The following SNX29 variants were observed in gnomAD, a reference collection of about 807,000 sequenced individuals.
SNX29 encodes the protein sorting nexin 29.
SNX29 carries 78 observed loss-of-function variants against 102.1 expected under a neutral mutation model. The ratio of observed to expected loss-of-function variants is 0.76; its 90% confidence interval spans 0.64 to 0.92. The LOEUF is 0.92. Among genes scored for constraint, SNX29 ranks in the 40% least tolerant of loss-of-function variants. The pLI is 0.00. For synonymous variants in SNX29, 580 were observed against 414.5 expected (o/e 1.40, Z -4.85); for missense variants, 1,280 against 1,061.7 (o/e 1.21, Z -2.86).
At chr16:12,328,394 C>G (rs1014171735) in intron 15 of SNX29, among the ~76,000 whole-genome samples, 2 of 152,160 alleles carry the variant, frequency 1.3e-5, no homozygotes, top group African/African-American at 2.4e-5. Context: ...TTCTACAAGC[C>G]AAACAGAAAG....
chr16:11,983,633 C>G (rs1316121978), intron 1 of SNX29: 2 of 985,166 alleles, frequency 2.0e-6, no homozygotes, highest in Non-Finnish European at 2.4e-6. Flanking sequence ...ACAGTTGACC[C>G]CCACCTCTGC....
In SNX29 at chr16:12,078,788, C is replaced by T. The variant is rs1032421094; in HGVS notation, c.1320-45C>T. 7.8e-6 allele frequency: 12 copies of T among 1,530,302 alleles called. No individual in the cohort carries two copies. The Admixed American group carries it at 1.5e-4, about 20-fold the overall frequency. The allele number at this position is 1,530,302 out of a possible 1,614,324, so 94.8% of individuals were successfully genotyped here. On this transcript the variant is annotated intron_variant, in intron 10 of 20. Coordinates refer to ENST00000566228, the MANE Select transcript of SNX29 (RefSeq NM_032167.5). ...GTTTTTGGAATGGTGAGGGTGTGTA[C>T]TTTCAGTGGCCGAGTGTAACTTCCT...
rs753855778 is a variant in SNX29 at position 12,003,001 on chromosome 16, G to T, written c.80G>T (p.Arg27Leu). 4 of 1,614,188 alleles carry T rather than the reference G, an allele frequency of 2.5e-6. No individual in the cohort carries two copies. The highest frequency in any genetic ancestry group is 3.4e-6 in the Non-Finnish European group (4 of 1,180,030). Residue 27 changes from arginine (R) to leucine (L), a missense_variant, in exon 3 of 21, where the codon CGC (arginine) becomes CTC (leucine). Transcript: ENST00000566228. ...LLDAVKQCQI[R>L]FGGRKEIASD... is the part of the protein sequence containing the mutation. ...TCTTTTTCTGTGCAGTGCCAGATCCGCTTTGGAGGGAGAAAGGAGATTGCC... is the reference window on the plus strand; with the variant it reads ...TCTTTTTCTGTGCAGTGCCAGATCCTCTTTGGAGGGAGAAAGGAGATTGCC...
intron 18 of SNX29, among the ~76,000 whole-genome samples, chr16:12,419,565 C>A (rs892860475): frequency 1.1e-4 from 16 of 150,952 alleles, no homozygotes; most frequent in South Asian, 2.1e-4. Context: ...AGACTCAGCC[C>A]CCCCCCCCAT....
rs1292188105 is a variant in SNX29 at position 12,027,330 on chromosome 16, C to T, written c.133C>T (p.Leu45=). Residue 45 remains leucine, a synonymous_variant, in exon 4 of 21, where the codon CTG becomes TTG. Coordinates refer to ENST00000566228, the MANE Select transcript of SNX29 (RefSeq NM_032167.5). The part of the protein sequence containing the change: ...ASDSDSRVTC[L]CAQFEAVLQH... ...TTGGTTTTCTCACAGGGTCACCTGT[C>T]TGTGTGCCCAGTTTGAAGCCGTCCT... is the stretch of plus-strand genomic sequence containing the variant. 6.2e-7 allele frequency: 1 copy of T among 1,613,842 alleles called. No individual in the cohort carries two copies. The highest frequency in any genetic ancestry group is 8.5e-7 in the Non-Finnish European group (1 of 1,179,858).
At position 12,257,829 on chromosome 16, in the gene SNX29, C is replaced by G. The variant is rs1228437604; in HGVS notation, c.1679-20104C>G. 2.0e-5 allele frequency among the ~76,000 whole-genome samples: 3 copies of G among 152,154 alleles called. No homozygotes were observed. In the South Asian group the frequency reaches 6.2e-4, roughly 32 times the overall value. ...AGATGTGAGCCACCGCACCCAGCAC[C>G]CACTCATAAATGCCACCTCTTGGTT... On this transcript the variant is annotated intron_variant, in intron 14 of 20. Transcript: ENST00000566228.
chr16:12,380,943 AT>A (rs2083093698), intron 16 of SNX29, among the ~76,000 whole-genome samples: 1 of 30,918 alleles, frequency 3.2e-5, no homozygotes, highest in Non-Finnish European at 5.0e-5. Flanking sequence ...TCCACCATCC[AT>A]CCATCCACCC....
chr16:12,240,505 TC>T (rs1567346785), intron 14 of SNX29, among the ~76,000 whole-genome samples: 1 of 152,088 alleles, frequency 6.6e-6, no homozygotes, highest in East Asian at 1.9e-4. Context: ...TGATTTTTTT[TC>T]TGTCGGTTTT....
intron 3 of SNX29, among the ~76,000 whole-genome samples, chr16:12,012,995 G>A (rs531230846): frequency 1.3e-5 from 2 of 151,628 alleles, no homozygotes; most frequent in Admixed American, 1.3e-4. Flanking sequence ...TGCCCAGGAT[G>A]CATGGGTTGG....
chr16:12,540,533 G>A (rs573048567), intron 20 of SNX29, among the ~76,000 whole-genome samples: 35 of 152,280 alleles, frequency 2.3e-4, no homozygotes, highest in South Asian at 1.0e-3. Context: ...TTTGTTTCGC[G>A]GCTTCCTGGC....
intron 20 of SNX29, among the ~76,000 whole-genome samples, chr16:12,541,193 G>A (rs921163603): frequency 6.6e-6 from 1 of 152,122 alleles, no homozygotes; most frequent in Non-Finnish European, 1.5e-5. Context: ...TGTCTATCCT[G>A]AAGTATTATG....
intron 13 of SNX29, among the ~76,000 whole-genome samples, chr16:12,170,065 G>A (rs2076109805): frequency 6.6e-6 from 1 of 152,042 alleles, no homozygotes; most frequent in African/African-American, 2.4e-5. Context: ...TTTGTAGTGG[G>A]GGCTGTCCTG....
At chr16:12,078,625 A>G (rs79372232) in intron 10 of SNX29, among the ~76,000 whole-genome samples, 80 of 152,292 alleles carry the variant, frequency 5.3e-4, no homozygotes, top group African/African-American at 1.8e-3. Context: ...TCAAGTATTG[A>G]CTTTGGGGTT....
chr16:12,267,971 C>A (rs1479803140), intron 14 of SNX29, among the ~76,000 whole-genome samples: 2 of 152,168 alleles, frequency 1.3e-5, no homozygotes, highest in African/African-American at 4.8e-5. Context: ...ATGGGGCCTC[C>A]TCACTGTTGG....
chr16:12,527,657 C>G (rs556611037), intron 20 of SNX29, among the ~76,000 whole-genome samples: 1 of 152,110 alleles, frequency 6.6e-6, no homozygotes, highest in Non-Finnish European at 1.5e-5. Context: ...TGGCTGGTCC[C>G]GGGGTCCCCA....
chr16:12,129,574 G>C, intron 12 of SNX29, 56 bp from the exon 13 acceptor site: 1 of 1,549,190 alleles, frequency 6.5e-7, no homozygotes, highest in African/African-American at 1.4e-5. Context: ...CTGTGTCCTG[G>C]GCTCAGTGGG....
chr16:12,573,925 G>C lies in SNX29; in HGVS notation c.*5296G>C, dbSNP rs981841511. 1 of 202,552 alleles carries C rather than the reference G, an allele frequency of 4.9e-6. No individual in the cohort carries two copies. Among genetic ancestry groups the C allele is most frequent in the Admixed American group, 6.0e-5 (1 of 16,668 alleles). The allele number at this position is 202,552 out of a possible 1,614,324, so 12.5% of individuals were successfully genotyped here. On this transcript the variant is annotated 3_prime_UTR_variant, in exon 21 of 21. Coordinates refer to ENST00000566228, the MANE Select transcript of SNX29 (RefSeq NM_032167.5). ...TTACTCACCTGACACCGACTTCTTA[G>C]AGAAGCGAGTCTTTTTTGAATGGAG...
At chr16:12,197,640 A>G (rs1325841613) in intron 13 of SNX29, among the ~76,000 whole-genome samples, 1 of 152,216 alleles carries the variant, frequency 6.6e-6, no homozygotes, top group African/African-American at 2.4e-5. Context: ...TCCCACAAAC[A>G]TTTTAAGGAC....
intron 15 of SNX29, among the ~76,000 whole-genome samples, chr16:12,300,108 G>C (rs1331012767): frequency 2.0e-5 from 3 of 152,200 alleles, no homozygotes; most frequent in African/African-American, 7.2e-5. Flanking sequence ...CTGACTTCAG[G>C]TGATCTGCCT....
Sources: gnomAD v4.1 joint callset for allele counts (sites outside exome capture counted in the v4.1 genomes callset) on GRCh38, gnomAD v4.1.1 for gene constraint, MANE v1.5 for transcripts, NCBI Gene and HGNC (gene_info 2026-07-23, HGNC 2026-07-21) for gene names.